The following WDPCP variants were observed in gnomAD, a reference collection of about 807,000 sequenced individuals.
WDPCP encodes WD repeat-containing and planar cell polarity effector protein fritz homolog.
WDPCP carries 71 observed loss-of-function variants against 93.1 expected under a neutral mutation model. The observed-to-expected ratio is 0.76, with a 90% CI of 0.63 to 0.93. The LOEUF (loss-of-function observed/expected upper bound fraction) is 0.93. Ranked by LOEUF, WDPCP falls within the 40% of genes least tolerant of loss-of-function variation. WDPCP has a pLI of 0.00. For synonymous variants in WDPCP, 315 were observed against 315.0 expected, an observed-to-expected ratio of 1.00 and a Z score of 0.00; for missense variants, 844 against 887.4, an observed-to-expected ratio of 0.95 and a Z score of 0.62.
Position 63,404,355 on chromosome 2 carries a change from A to G in WDPCP, c.1128T>C (p.Thr376=). The change falls in exon 10 of 18, where the codon ACT becomes ACC. Residue 376 remains threonine, a synonymous_variant. Coordinates refer to ENST00000272321, the MANE Select transcript of WDPCP (RefSeq NM_015910.7). ...AGCTTATTAATGAAGGCAAAAGTTC[A>G]GTCTGTGCTAAGAGAGTCACTCTAC... ...THRRVTLLAQ[T]ELLPSLISCH... 6.2e-7 allele frequency: 1 copy of G among 1,614,178 alleles called. No homozygotes were observed. Among genetic ancestry groups the G allele is most frequent in the Non-Finnish European group, 8.5e-7 (1 of 1,180,006 alleles).
At chr2:63,202,506 T>C (rs1675994604) in intron 14 of WDPCP, among the ~76,000 whole-genome samples, 1 of 152,166 alleles carries the variant, frequency 6.6e-6, no homozygotes, top group Non-Finnish European at 1.5e-5. Context: ...AGATTTTCTA[T>C]TTCCTCCATA....
At chr2:63,406,862 T>G (rs1200436322) in intron 9 of WDPCP, among the ~76,000 whole-genome samples, 2 of 152,138 alleles carry the variant, frequency 1.3e-5, no homozygotes, top group Non-Finnish European at 2.9e-5. Flanking sequence ...AGAATTCTTT[T>G]CATGGCTTCA....
At chr2:63,588,149 G>C (rs1390260048) in intron 1 of WDPCP, 48 bp downstream of exon 1, 6 of 1,547,214 alleles carry the variant, frequency 3.9e-6, no homozygotes, top group Non-Finnish European at 5.2e-6. Context: ...ACCGCATTCC[G>C]GATCCTAAGG....
chr2:63,598,956 C>T (rs1709369034), intron 3 of WDPCP, among the ~76,000 whole-genome samples: 2 of 148,594 alleles, frequency 1.3e-5, no homozygotes, highest in African/African-American at 4.9e-5. Flanking sequence ...TGTAACTTTT[C>T]TATAAATCTG....
chr2:63,123,530 C>A (rs1308777979), intron 17 of WDPCP, among the ~76,000 whole-genome samples: 1 of 151,852 alleles, frequency 6.6e-6, no homozygotes, highest in Non-Finnish European at 1.5e-5. Flanking sequence ...AAAAACAAAA[C>A]AAAAAATATT....
rs560207214 is a variant in WDPCP, at chr2:63,428,316, C to A, written c.825+5429G>T. Among the ~76,000 whole-genome samples, 23 of 152,166 alleles carry A rather than the reference C, an allele frequency of 1.5e-4. No homozygotes were observed. In the East Asian group the frequency reaches 4.4e-3, roughly 29 times the overall value. On this transcript the variant is annotated intron_variant, in intron 9 of 17. Coordinates refer to ENST00000272321, the MANE Select transcript of WDPCP (RefSeq NM_015910.7). ...ACTTCAGGCCAATATCCCTGATGAA[C>A]ACAGATGCAAAAATCCTCAACAAAA...
intron 1 of WDPCP, among the ~76,000 whole-genome samples, chr2:63,525,248 G>T (rs1447691621): frequency 6.6e-6 from 1 of 152,150 alleles, no homozygotes; most frequent in Admixed American, 6.5e-5. Context: ...CTACCTGAGG[G>T]TGGAGGGTGG....
chr2:63,435,528 A>C (rs1377238651), intron 8 of WDPCP, among the ~76,000 whole-genome samples: 1 of 152,140 alleles, frequency 6.6e-6, no homozygotes, highest in Admixed American at 6.6e-5. Flanking sequence ...TTGCTGCATA[A>C]GTGTGTTACC....
chr2:63,404,801 C>T, intron 9 of WDPCP, 144 bp from the exon 10 acceptor site: 3 of 905,224 alleles, frequency 3.3e-6, no homozygotes, highest in Non-Finnish European at 5.1e-6. Flanking sequence ...ATATAAAGTA[C>T]ATATAGCACA....
At chr2:63,190,165 C>T (rs577322186) in intron 14 of WDPCP, among the ~76,000 whole-genome samples, 5 of 152,178 alleles carry the variant, frequency 3.3e-5, no homozygotes, top group South Asian at 2.1e-4. Flanking sequence ...CTGTGGCTCA[C>T]GCCCATAATC....
intron 2 of WDPCP, among the ~76,000 whole-genome samples, chr2:63,669,020 C>T (rs938629224): frequency 1.2e-4 from 18 of 152,290 alleles, no homozygotes; most frequent in African/African-American, 4.1e-4. Context: ...CACCGAGTTA[C>T]ACAAAACACT....
At chr2:63,162,849 G>C (rs1310140437) in intron 15 of WDPCP, among the ~76,000 whole-genome samples, 1 of 152,108 alleles carries the variant, frequency 6.6e-6, no homozygotes, top group Non-Finnish European at 1.5e-5. Flanking sequence ...ATGTAATATA[G>C]ATAAGGCTTT....
intron 12 of WDPCP, among the ~76,000 whole-genome samples, chr2:63,331,586 A>G (rs1036053600): frequency 1.3e-5 from 2 of 152,240 alleles, no homozygotes; most frequent in Non-Finnish European, 2.9e-5. Context: ...AGATGAATGT[A>G]TAGTTATGTT....
At chr2:63,493,018 G>T in intron 1 of WDPCP, 78 bp from the exon 2 acceptor site, 1 of 1,219,302 alleles carries the variant, frequency 8.2e-7, no homozygotes, top group Non-Finnish European at 1.2e-6. Context: ...CTTAGAAATA[G>T]TAAAAAGAAT....
At chr2:63,239,970 G>C (rs927864555) in intron 14 of WDPCP, among the ~76,000 whole-genome samples, 1 of 152,008 alleles carries the variant, frequency 6.6e-6, no homozygotes, top group Non-Finnish European at 1.5e-5. Context: ...GTTATATGTT[G>C]GCTAGAATTT....
At chr2:63,324,858 AATT>A (rs1413883063) in intron 12 of WDPCP, among the ~76,000 whole-genome samples, 1 of 152,174 alleles carries the variant, frequency 6.6e-6, no homozygotes. Context: ...AAAGCCCATG[AATT>A]ATTCAATGAT....
intron 2 of WDPCP, among the ~76,000 whole-genome samples, chr2:63,733,324 C>A (rs1034959149): frequency 1.4e-4 from 21 of 149,668 alleles, no homozygotes; most frequent in Admixed American, 4.6e-4. Context: ...CTCAGCCTCC[C>A]GAGTAGCTGG....
At chr2:63,295,633 A>C (rs984379830) in intron 13 of WDPCP, among the ~76,000 whole-genome samples, 1 of 152,046 alleles carries the variant, frequency 6.6e-6, no homozygotes, top group African/African-American at 2.4e-5. Flanking sequence ...GATTACTATG[A>C]ACATATATAC....
intron 1 of WDPCP, among the ~76,000 whole-genome samples, chr2:63,816,814 C>T (rs1260123800): frequency 6.6e-6 from 1 of 152,196 alleles, no homozygotes; most frequent in East Asian, 1.9e-4. Flanking sequence ...GAACTACTGA[C>T]ACCCTCAACA....
Sources: gnomAD v4.1 joint callset for allele counts (sites outside exome capture counted in the v4.1 genomes callset) on GRCh38, gnomAD v4.1.1 for gene constraint, MANE v1.5 for transcripts, NCBI Gene and HGNC (gene_info 2026-07-23, HGNC 2026-07-21) for gene names.